FOXRED2: variants seen among roughly 807,000 people sequenced by gnomAD.
FOXRED2 encodes the protein FAD-dependent oxidoreductase domain-containing protein 2.
FOXRED2 carries 32 observed loss-of-function variants against 52.5 expected under a neutral mutation model. The ratio of observed to expected loss-of-function variants is 0.61; its 90% CI spans 0.46 to 0.82. The LOEUF (loss-of-function observed/expected upper bound fraction) is 0.82, where lower values mean the gene tolerates loss of function less well. Among genes scored for constraint, FOXRED2 ranks in the 40% least tolerant of loss-of-function variants. The pLI, the probability that FOXRED2 is intolerant of heterozygous loss-of-function variation, is 0.00. For synonymous variants in FOXRED2, 405 were observed against 398.1 expected (o/e 1.02, Z -0.21); for missense variants, 848 against 937.5 (o/e 0.90, Z 1.25).
At chr22:36,503,671 C>A (rs1811774720) in intron 4 of FOXRED2, among the ~76,000 whole-genome samples, 1 of 152,160 alleles carries the variant, frequency 6.6e-6, no homozygotes, top group African/African-American at 2.4e-5. Flanking sequence ...CTTTGAATCC[C>A]ATTTTAGACA....
intron 5 of FOXRED2, among the ~76,000 whole-genome samples, chr22:36,499,854 T>A (rs1242377604): frequency 6.6e-6 from 1 of 152,120 alleles, no homozygotes; most frequent in African/African-American, 2.4e-5. Flanking sequence ...CAGGCTGGAG[T>A]GCAATGGTGT....
chr22:36,493,615 T>C lies in FOXRED2; in HGVS notation c.1795+18A>G, dbSNP rs759427011. ...ACCTGGAGCTCAGACCCTTTGTCTTTCTGGGAGCTTAAGTTACCTGCATAG... is the reference window on the plus strand; with the variant it reads ...ACCTGGAGCTCAGACCCTTTGTCTTCCTGGGAGCTTAAGTTACCTGCATAG... On this transcript the variant is annotated intron_variant, in intron 8 of 8. Transcript: ENST00000397224. 11 of 1,610,254 alleles carry C rather than the reference T, an allele frequency of 6.8e-6. No homozygotes were observed. In the South Asian group the frequency reaches 8.8e-5, roughly 13 times the overall value.
At position 36,493,691 on chromosome 22, in the gene FOXRED2, T is replaced by A. The variant is rs747282570; in HGVS notation, c.1737A>T (p.Leu579=). 6.2e-7 allele frequency: 1 copy of A among 1,614,142 alleles called. No homozygotes were observed. The highest frequency in any genetic ancestry group is 8.5e-7 in the Non-Finnish European group (1 of 1,180,000). Residue 579 remains leucine, a synonymous_variant, in exon 8 of 9, where the codon CTA becomes CTT. Coordinates refer to ENST00000397224, the MANE Select transcript of FOXRED2 (RefSeq NM_001102371.2). ...AGTTCTCCAGGAAGCGCCTCAGAGG[T>A]AGGATGTGCCCGATCGGGGCAGTCC... ...TDWTAPIGHI[L]PLRRFLENCL...
intron 1 of FOXRED2, 82 bp from the exon 2 acceptor site, chr22:36,506,505 G>T: frequency 7.6e-7 from 1 of 1,315,568 alleles, no homozygotes; most frequent in Non-Finnish European, 1.0e-6. Flanking sequence ...CGGGGCCTGC[G>T]GGAACTCTCA....
chr22:36,503,600 C>G (rs937311529), intron 4 of FOXRED2, among the ~76,000 whole-genome samples: 2 of 152,158 alleles, frequency 1.3e-5, no homozygotes, highest in South Asian at 4.1e-4. Context: ...TGTGAGCCAC[C>G]GCACCCAGCC....
rs1271935898 is a variant in FOXRED2, at chr22:36,504,266, C to A, written c.881G>T (p.Gly294Val). Reference sequence around the variant, plus strand: ...GAATTTCGGGGTGACATGGAACTTGCCTTTGCTGTCCTTCAGGATGGCCAG... The same window carrying A: ...GAATTTCGGGGTGACATGGAACTTGACTTTGCTGTCCTTCAGGATGGCCAG... ...TDLAILKDSKGKFHVTPKFFL... is the reference protein window; with the variant it reads ...TDLAILKDSKVKFHVTPKFFL... The change falls in exon 4 of 9, where the codon GGC becomes GTC. Residue 294 changes from glycine to valine, a missense_variant. Physicochemically the swap from Gly to Val is moderately radical, Grantham distance 109. Coordinates refer to ENST00000397224, the MANE Select transcript of FOXRED2 (RefSeq NM_001102371.2). The A allele has an allele frequency of 1.2e-6, 2 of 1,614,062 alleles. No individual in the cohort carries two copies. Among genetic ancestry groups the A allele is most frequent in the Non-Finnish European group, 1.7e-6 (2 of 1,180,040 alleles).
At chr22:36,496,264 G>A (rs1414897904) in intron 6 of FOXRED2, 56 bp from the exon 7 acceptor site, 4 of 1,605,534 alleles carry the variant, frequency 2.5e-6, no homozygotes, top group Non-Finnish European at 3.4e-6. Flanking sequence ...GGTGAGGGGT[G>A]CAGCCCGGGG....
At chr22:36,496,517 G>A (rs2145846362) in intron 6 of FOXRED2, among the ~76,000 whole-genome samples, 1 of 152,338 alleles carries the variant, frequency 6.6e-6, no homozygotes, top group African/African-American at 2.4e-5. Flanking sequence ...AGAGGCCGAC[G>A]TGGCTGAGGG....
intron 7 of FOXRED2, among the ~76,000 whole-genome samples, chr22:36,494,512 G>A (rs899333397): frequency 6.6e-6 from 1 of 152,204 alleles, no homozygotes; most frequent in Non-Finnish European, 1.5e-5. Flanking sequence ...CTTCTCCCTG[G>A]TGTGGGCTCC....
chr22:36,499,955 C>T (rs954587708), intron 5 of FOXRED2, among the ~76,000 whole-genome samples: 1 of 152,130 alleles, frequency 6.6e-6, no homozygotes, highest in African/African-American at 2.4e-5. Context: ...GCGCCCGCCA[C>T]CATGCCCGGC....
At chr22:36,492,722 G>T (rs1933787987) in intron 8 of FOXRED2, among the ~76,000 whole-genome samples, 1 of 152,152 alleles carries the variant, frequency 6.6e-6, no homozygotes, top group Admixed American at 6.6e-5. Context: ...TCACCATGTT[G>T]GCCAGGGCTG....
chr22:36,502,934 C>G (rs753437418), intron 4 of FOXRED2, among the ~76,000 whole-genome samples: 1 of 151,848 alleles, frequency 6.6e-6, no homozygotes, highest in South Asian at 2.1e-4. Flanking sequence ...CCTTGTGATC[C>G]GCCCACCTCA....
Position 36,504,658 on chromosome 22 carries a change from T to A in FOXRED2, c.636A>T (p.Val212=), listed in dbSNP as rs754449607. The change falls in exon 3 of 9, where the codon GTA becomes GTT. Residue 212 remains valine (V), a synonymous_variant. Coordinates refer to ENST00000397224, the MANE Select transcript of FOXRED2 (RefSeq NM_001102371.2). ...GACCCAGGATCAGCACATTCTGGCCTACAAAGTCCTCAGGGTCCACGGACA... is the reference window on the plus strand; with the variant it reads ...GACCCAGGATCAGCACATTCTGGCCAACAAAGTCCTCAGGGTCCACGGACA... ...ESVSVDPEDF[V]GQNVLILGRG... The A allele has an allele frequency of 2.8e-5, 46 of 1,614,098 alleles. No individual in the cohort carries two copies. In the South Asian group the frequency reaches 4.0e-4, roughly 14 times the overall value.
chr22:36,497,368 AG>A (rs1933928228), intron 6 of FOXRED2, among the ~76,000 whole-genome samples: 1 of 150,854 alleles, frequency 6.6e-6, no homozygotes, highest in South Asian at 2.1e-4. Flanking sequence ...AGGGGCATGG[AG>A]GGTGATGCGA....
At position 36,496,546 on chromosome 22, in the gene FOXRED2, G is replaced by A. The variant is rs57971856; in HGVS notation, c.1383-338C>T. ...CTGAGGGGAGTGAACAGCAGGCAGA[G>A]GGCAGGAGAGGGGGCCGGAGGCCTT... is the stretch of plus-strand genomic sequence containing the variant. On this transcript the variant is annotated intron_variant, in intron 6 of 8. Coordinates refer to ENST00000397224, the MANE Select transcript of FOXRED2 (RefSeq NM_001102371.2). Among the ~76,000 whole-genome samples the A allele has an allele frequency of 1.7e-3, 257 of 152,342 alleles. 4 individuals are homozygous for A. The East Asian group carries it at 0.041, about 25-fold the overall frequency.
intron 4 of FOXRED2, among the ~76,000 whole-genome samples, chr22:36,503,764 G>A (rs371047186): frequency 3.3e-5 from 5 of 152,300 alleles, no homozygotes; most frequent in Admixed American, 2.0e-4. Flanking sequence ...GGACAATTCC[G>A]GCACCTGTGC....
chr22:36,504,090 G>A lies in FOXRED2; in HGVS notation c.1049+8C>T, dbSNP rs1934122273. 1 of 1,612,944 alleles carries A rather than the reference G, an allele frequency of 6.2e-7. No homozygotes were observed. Among genetic ancestry groups the A allele is most frequent in the African/African-American group, 1.3e-5 (1 of 75,062 alleles). Reference sequence around the variant, plus strand: ...AGGAGAGCCCACCTCCTTCCGCATGGAACTCACTTATTGAAAATGGAGAAG... The same window carrying A: ...AGGAGAGCCCACCTCCTTCCGCATGAAACTCACTTATTGAAAATGGAGAAG... On this transcript the variant is annotated splice_region_variant and intron_variant, in intron 4 of 8. Transcript: ENST00000397224.
intron 2 of FOXRED2, among the ~76,000 whole-genome samples, chr22:36,505,537 G>A (rs1023641176): frequency 6.6e-6 from 1 of 152,160 alleles, no homozygotes; most frequent in Non-Finnish European, 1.5e-5. Context: ...GGGAGGCTGA[G>A]GTGGGTGGAT....
rs1933697810 is a variant in FOXRED2 at position 36,489,683 on chromosome 22, G to T, written c.*325C>A. ...GCCCATCTGAGGAGGGGCTTGGAAG[G>T]AAGAGGAGCACTTGAGACGGGGCAG... is the stretch of plus-strand genomic sequence containing the variant. On this transcript the variant is annotated 3_prime_UTR_variant, in exon 9 of 9. Coordinates refer to ENST00000397224, the MANE Select transcript of FOXRED2 (RefSeq NM_001102371.2). The T allele has an allele frequency of 3.9e-6, 1 of 257,334 alleles. No individual in the cohort carries two copies. The highest frequency in any genetic ancestry group is 1.2e-4 in the South Asian group (1 of 8,584). The allele number at this position is 257,334 out of a possible 1,614,324, so 15.9% of individuals were successfully genotyped here. A position where few individuals can be genotyped will look rare whatever the true frequency, so the allele number is the denominator to read the frequency against.
Sources: allele counts gnomAD v4.1 joint callset (sites outside exome capture counted in the v4.1 genomes callset), GRCh38; gene constraint gnomAD v4.1.1; transcripts MANE v1.5; gene names NCBI Gene and HGNC (gene_info 2026-07-23, HGNC 2026-07-21).